Variants in MACROD2 observed in about 807,000 individuals in gnomAD.
The protein encoded by MACROD2 is mono-ADP ribosylhydrolase 2.
A neutral mutation model predicts 70.4 loss-of-function variants in MACROD2; 36 were observed. The observed-to-expected ratio is 0.51, with a 90% CI of 0.39 to 0.68. The LOEUF (loss-of-function observed/expected upper bound fraction) is 0.68, where lower values mean the gene tolerates loss of function less well. Among genes scored for constraint, MACROD2 ranks in the 30% least tolerant of loss-of-function variants. MACROD2 has a pLI of 0.00. For synonymous variants in MACROD2, 172 were observed against 178.8 expected (o/e 0.96, Z 0.30); for missense variants, 496 against 538.4 (o/e 0.92, Z 0.78).
intron 4 of MACROD2, among the ~76,000 whole-genome samples, chr20:14,569,269 A>C (rs534854875): frequency 1.3e-5 from 2 of 152,114 alleles, no homozygotes; most frequent in African/African-American, 4.8e-5. Context: ...ATAACACCAG[A>C]GTCTTGAATA....
intron 8 of MACROD2, among the ~76,000 whole-genome samples, chr20:15,601,921 G>A (rs1347466285): frequency 3.3e-5 from 5 of 152,056 alleles, no homozygotes; most frequent in Non-Finnish European, 7.4e-5. Flanking sequence ...CCAGCTACTC[G>A]GGAGGCTGAG....
intron 4 of MACROD2, among the ~76,000 whole-genome samples, chr20:14,663,948 TGATA>T (rs1466307290): frequency 3.9e-5 from 6 of 152,112 alleles, no homozygotes; most frequent in Non-Finnish European, 7.4e-5. Flanking sequence ...CAAAAAATAC[TGATA>T]GATTGACTTT....
At chr20:15,226,910 C>CAGGAG (rs1380133874) in intron 5 of MACROD2, among the ~76,000 whole-genome samples, 1 of 152,056 alleles carries the variant, frequency 6.6e-6, no homozygotes, top group Non-Finnish European at 1.5e-5. Context: ...CAAAGACAGG[C>CAGGAG]CTCCTGACTG....
chr20:15,199,073 A>G (rs2145925498), intron 5 of MACROD2, among the ~76,000 whole-genome samples: 1 of 146,930 alleles, frequency 6.8e-6, no homozygotes, highest in East Asian at 2.0e-4. Context: ...CAGATGTAAC[A>G]TTAATCTGCA....
At chr20:14,673,056 G>A (rs570070150) in intron 4 of MACROD2, among the ~76,000 whole-genome samples, 22 of 152,254 alleles carry the variant, frequency 1.4e-4, no homozygotes, top group Non-Finnish European at 2.5e-4. Flanking sequence ...CATGTATAGC[G>A]TTAAGTGAAA....
At chr20:15,002,127 C>G (rs1170508384) in intron 5 of MACROD2, among the ~76,000 whole-genome samples, 2 of 152,136 alleles carry the variant, frequency 1.3e-5, no homozygotes, top group Non-Finnish European at 2.9e-5. Flanking sequence ...TGGGTAAATA[C>G]CCAGTAGTGG....
intron 5 of MACROD2, among the ~76,000 whole-genome samples, chr20:15,008,041 T>C (rs942284890): frequency 1.3e-5 from 2 of 152,236 alleles, no homozygotes; most frequent in African/African-American, 2.4e-5. Context: ...TCAAACTCCC[T>C]ATCAAATTCC....
At chr20:15,117,708 A>T (rs2076001383) in intron 5 of MACROD2, among the ~76,000 whole-genome samples, 1 of 152,114 alleles carries the variant, frequency 6.6e-6, no homozygotes. Flanking sequence ...TTAGCTTAGG[A>T]TTGTTACATG....
Position 13,996,435 on chromosome 20 carries a change from C to T in MACROD2, c.46+626C>T, listed in dbSNP as rs147873020. The T allele has an allele frequency of 5.4e-3, 844 of 157,218 alleles. 3 individuals are homozygous for T. The highest frequency in any genetic ancestry group is 0.022 in the South Asian group (112 of 5,084). The allele number at this position is 157,218 out of a possible 1,614,324, so 9.7% of individuals were successfully genotyped here. ...AGCGTGTTGTCCGTGAGGATAAGTG[C>T]CTTCAGAGAAGTCTGAATGGGCTGT... On this transcript the variant is annotated intron_variant, in intron 1 of 17. Coordinates refer to ENST00000684519, the MANE Select transcript of MACROD2 (RefSeq NM_001351661.2).
intron 5 of MACROD2, among the ~76,000 whole-genome samples, chr20:14,954,700 A>AATT (rs1386309763): frequency 1.7e-4 from 13 of 78,474 alleles, no homozygotes; most frequent in African/African-American, 5.8e-4. Flanking sequence ...TAAAATTATA[A>AATT]ATAAATTATA....
intron 10 of MACROD2, among the ~76,000 whole-genome samples, chr20:15,899,396 T>A (rs111907371): frequency 6.6e-6 from 1 of 152,162 alleles, no homozygotes; most frequent in African/African-American, 2.4e-5. Flanking sequence ...CAAGTTGACC[T>A]CAGAAATTAT....
intron 6 of MACROD2, among the ~76,000 whole-genome samples, chr20:15,336,055 A>G (rs900147382): frequency 8.6e-5 from 13 of 151,664 alleles, no homozygotes; most frequent in Non-Finnish European, 1.6e-4. Flanking sequence ...TTGAAAATAC[A>G]TTTTCTCAAT....
chr20:14,630,646 CT>C lies in MACROD2; in HGVS notation c.302-54196del, dbSNP rs547292785. The stretch of plus-strand genomic sequence containing the variant: ...AATTGATTCTCACCAGCCTGCATCT[CT>C]AGTGTTTGATTAAAAATATGCCCAT... On this transcript the variant is annotated intron_variant, in intron 4 of 17. Coordinates refer to ENST00000684519, the MANE Select transcript of MACROD2 (RefSeq NM_001351661.2). Among the ~76,000 whole-genome samples, 78 of 152,184 alleles carry C rather than the reference CT, an allele frequency of 5.1e-4. 2 individuals carry two copies. The South Asian group carries it at 0.015, about 29-fold the overall frequency.
At chr20:15,328,199 AG>A (rs1218994466) in intron 6 of MACROD2, among the ~76,000 whole-genome samples, 1 of 151,884 alleles carries the variant, frequency 6.6e-6, no homozygotes, top group Non-Finnish European at 1.5e-5. Flanking sequence ...GAATTTGACA[AG>A]CAGATACCTG....
intron 5 of MACROD2, among the ~76,000 whole-genome samples, chr20:15,063,357 C>G (rs1406054242): frequency 6.6e-6 from 1 of 152,200 alleles, no homozygotes; most frequent in African/African-American, 2.4e-5. Context: ...CTTTTCCTAA[C>G]CCTTTCTACC....
At chr20:14,130,517 C>A (rs1326402403) in intron 3 of MACROD2, among the ~76,000 whole-genome samples, 3 of 151,950 alleles carry the variant, frequency 2.0e-5, no homozygotes, top group Non-Finnish European at 1.5e-5. Flanking sequence ...GCACTCCAGC[C>A]TAGGCAACAG....
intron 5 of MACROD2, among the ~76,000 whole-genome samples, chr20:14,731,280 T>G (rs970112934): frequency 1.3e-5 from 2 of 152,166 alleles, no homozygotes; most frequent in Non-Finnish European, 2.9e-5. Context: ...GAGTTCATGC[T>G]GCCCCTATAA....
intron 4 of MACROD2, among the ~76,000 whole-genome samples, chr20:14,583,364 A>G (rs1010291521): frequency 6.6e-6 from 1 of 152,162 alleles, no homozygotes; most frequent in Non-Finnish European, 1.5e-5. Context: ...CCAGCCTCTC[A>G]TCATTTAGGT....
chr20:15,050,949 A>T (rs115202440), intron 5 of MACROD2, among the ~76,000 whole-genome samples: 4,013 of 152,274 alleles, frequency 0.026, 203 homozygotes, highest in African/African-American at 0.092. Context: ...TATAAAATGT[A>T]AAATTATGGT....
Sources: allele counts gnomAD v4.1 joint callset (sites outside exome capture counted in the v4.1 genomes callset), GRCh38; gene constraint gnomAD v4.1.1; transcripts MANE v1.5; gene names NCBI Gene and HGNC (gene_info 2026-07-23, HGNC 2026-07-21).